Variants in KHDC1 observed in about 807,000 individuals in gnomAD.
The protein encoded by KHDC1 is KH domain containing 1, also known as KH homology domain-containing protein 1.
In KHDC1, 21 loss-of-function variants were observed where a neutral mutation model predicts 24.7. The ratio of observed to expected loss-of-function variants is 0.85; its 90% confidence interval spans 0.60 to 1.23. The LOEUF (loss-of-function observed/expected upper bound fraction) is 1.23, where lower values mean the gene tolerates loss of function less well. Among genes scored for constraint, KHDC1 ranks in the 50% most tolerant of loss-of-function variants. The pLI is 0.00. For synonymous variants in KHDC1, 98 were observed against 111.7 expected (o/e 0.88, Z 0.77); for missense variants, 274 against 298.5 (o/e 0.92, Z 0.61).
At chr6:73,255,317 T>A (rs1387438793) in intron 2 of KHDC1, among the ~76,000 whole-genome samples, 2 of 149,672 alleles carry the variant, frequency 1.3e-5, no homozygotes, top group African/African-American at 2.5e-5. Context: ...CCTCCTAGGT[T>A]CAAGCAATTC....
At chr6:73,244,079 G>A (rs1766622565) in intron 2 of KHDC1, among the ~76,000 whole-genome samples, 1 of 152,194 alleles carries the variant, frequency 6.6e-6, no homozygotes, top group African/African-American at 2.4e-5. Context: ...CATTTTAGGT[G>A]TCTGAGTACC....
At chr6:73,260,954 T>C (rs1228708398) in intron 2 of KHDC1, among the ~76,000 whole-genome samples, 1 of 152,248 alleles carries the variant, frequency 6.6e-6, no homozygotes, top group African/African-American at 2.4e-5. Context: ...CAGATGTTAA[T>C]TCTTTGTGCA....
intron 1 of KHDC1, chr6:73,292,815 C>T (rs1767681138): frequency 2.8e-6 from 2 of 705,286 alleles, no homozygotes; most frequent in South Asian, 2.8e-5. Flanking sequence ...TATAAAGACC[C>T]AATTACAGAA....
intron 1 of KHDC1, chr6:73,299,618 G>C (rs1767828498): frequency 6.6e-6 from 1 of 152,288 alleles, no homozygotes; most frequent in Admixed American, 6.5e-5. Flanking sequence ...GCGCCTAAAA[G>C]GGCGGAAGGA....
At chr6:73,256,598 T>A (rs1020018910) in intron 2 of KHDC1, among the ~76,000 whole-genome samples, 1 of 152,210 alleles carries the variant, frequency 6.6e-6, no homozygotes, top group Non-Finnish European at 1.5e-5. Context: ...ACATAGCTGG[T>A]GTAACTGGTG....
chr6:73,290,655 C>CT (rs1159373230), intron 2 of KHDC1: 3 of 488,900 alleles, frequency 6.1e-6, no homozygotes, highest in Non-Finnish European at 1.2e-5. Flanking sequence ...GGAATACTAG[C>CT]TAGTGGGCTG....
intron 2 of KHDC1, among the ~76,000 whole-genome samples, chr6:73,256,929 A>C (rs1766888769): frequency 6.6e-6 from 1 of 152,246 alleles, no homozygotes; most frequent in South Asian, 2.1e-4. Flanking sequence ...CACCTGAGTT[A>C]ACATAATTAA....
intron 4 of KHDC1, 28 bp downstream of exon 3, chr6:73,242,027 A>C: frequency 1.3e-6 from 2 of 1,590,490 alleles, no homozygotes; most frequent in South Asian, 2.3e-5. Flanking sequence ...ACCAAGTCTA[A>C]AACCACAGTT....
At chr6:73,263,067 G>GGCGGCA (rs1360572238) in intron 2 of KHDC1, 4 of 108,784 alleles carry the variant, frequency 3.7e-5, no homozygotes, top group African/African-American at 1.7e-4. Context: ...CGGCGGCGGC[G>GGCGGCA]GCAGCGGCGG....
intron 2 of KHDC1, chr6:73,275,585 G>T (rs924396400): frequency 6.0e-6 from 1 of 167,138 alleles, no homozygotes; most frequent in African/African-American, 2.4e-5. Context: ...AAGTGTCCTG[G>T]TGTCTTTACC....
intron 2 of KHDC1, among the ~76,000 whole-genome samples, chr6:73,259,715 C>T (rs960239644): frequency 6.6e-6 from 1 of 152,160 alleles, no homozygotes; most frequent in Non-Finnish European, 1.5e-5. Flanking sequence ...TTTAAACAAG[C>T]ATGTTGTGGT....
intron 1 of KHDC1, among the ~76,000 whole-genome samples, chr6:73,294,084 A>G (rs1428249636): frequency 6.6e-6 from 1 of 151,876 alleles, no homozygotes; most frequent in East Asian, 1.9e-4. Flanking sequence ...CAGAAGTTCA[A>G]GGTTGCCTGG....
At chr6:73,285,276 C>T (rs1357083038) in intron 2 of KHDC1, among the ~76,000 whole-genome samples, 2 of 152,014 alleles carry the variant, frequency 1.3e-5, no homozygotes, top group Non-Finnish European at 2.9e-5. Context: ...TACCAGAGAC[C>T]GCAGGTTGAC....
At chr6:73,242,943 G>A (rs1188856118) in intron 2 of KHDC1, among the ~76,000 whole-genome samples, 1 of 152,168 alleles carries the variant, frequency 6.6e-6, no homozygotes, top group Non-Finnish European at 1.5e-5. Context: ...ATTCCAACAA[G>A]ACGGGGTTTG....
chr6:73,253,547 C>T (rs919588001), intron 2 of KHDC1, among the ~76,000 whole-genome samples: 4 of 149,802 alleles, frequency 2.7e-5, no homozygotes, highest in East Asian at 1.9e-4. Flanking sequence ...AGCGAGAGTC[C>T]GTCTCAAAAA....
intron 2 of KHDC1, among the ~76,000 whole-genome samples, chr6:73,277,574 A>C (rs1330795472): frequency 6.6e-6 from 1 of 152,210 alleles, no homozygotes; most frequent in African/African-American, 2.4e-5. Flanking sequence ...GCTTGGGCCA[A>C]GCGCAATTGC....
intron 1 of KHDC1, among the ~76,000 whole-genome samples, chr6:73,293,470 C>G (rs2150736231): frequency 6.6e-6 from 1 of 152,262 alleles, no homozygotes; most frequent in South Asian, 2.1e-4. Flanking sequence ...ATTATAGATT[C>G]ACATGTAGTT....
At chr6:73,304,593 C>T (rs1462954015) in intron 1 of KHDC1, among the ~76,000 whole-genome samples, 3 of 152,170 alleles carry the variant, frequency 2.0e-5, no homozygotes, top group Non-Finnish European at 4.4e-5. Context: ...TGAGCCACTG[C>T]GCCAGCCACT....
At chr6:73,305,441 A>G (rs1582592858) in intron 1 of KHDC1, among the ~76,000 whole-genome samples, 1 of 152,078 alleles carries the variant, frequency 6.6e-6, no homozygotes, top group African/African-American at 2.4e-5. Flanking sequence ...GTGACTTTAG[A>G]TAAGTTTTTT....
Sources: gnomAD v4.1 joint callset for allele counts (sites outside exome capture counted in the v4.1 genomes callset) on GRCh38, gnomAD v4.1.1 for gene constraint, MANE v1.5 for transcripts, NCBI Gene and HGNC (gene_info 2026-07-23, HGNC 2026-07-21) for gene names.